LRP5: variants seen among roughly 807,000 people sequenced by gnomAD.
The protein encoded by LRP5 is LDL receptor related protein 5.
LRP5 carries 62 observed loss-of-function variants against 154.1 expected under a neutral mutation model. The ratio of observed to expected loss-of-function variants is 0.40; its 90% CI spans 0.33 to 0.50. The LOEUF (loss-of-function observed/expected upper bound fraction) is 0.50, where lower values mean the gene tolerates loss of function less well. LRP5 is among the 20% of genes least tolerant of loss of function. The pLI, the probability that LRP5 is intolerant of heterozygous loss-of-function variation, is 0.55. For synonymous variants in LRP5, 966 were observed against 1,011.5 expected (o/e 0.96, Z 0.85); for missense variants, 1,915 against 2,336.7 (o/e 0.82, Z 3.72).
rs74934633 is a variant in LRP5, at chr11:68,371,197, G to A, written c.1015+5495G>A. ...TGAGAAGAAACCTAAACTCTTCTTA[G>A]AAGCATTTCAAGGGTTTGTCACCAG... is the stretch of plus-strand genomic sequence containing the variant. On this transcript the variant is annotated intron_variant, in intron 5 of 22. Coordinates refer to ENST00000294304, the MANE Select transcript of LRP5 (RefSeq NM_002335.4). Among the ~76,000 whole-genome samples, 153 of 152,308 alleles carry A rather than the reference G, an allele frequency of 1.0e-3. No homozygotes were observed. In the Middle Eastern group the frequency reaches 0.01, roughly 10 times the overall value.
chr11:68,310,446 C>G (rs1441021179), upstream of LRP5, among the ~76,000 whole-genome samples: 3 of 152,124 alleles, frequency 2.0e-5, no homozygotes, highest in African/African-American at 7.2e-5. Flanking sequence ...ATGGTGAAAC[C>G]CTGTCTCTAC....
rs59174369 is a variant in LRP5 at position 68,349,970 on chromosome 11, C to A, written c.488+1727C>A. 9.9e-5 allele frequency among the ~76,000 whole-genome samples: 15 copies of A among 152,244 alleles called. No homozygotes were observed. In the East Asian group the frequency reaches 2.7e-3, roughly 27 times the overall value. On this transcript the variant is annotated intron_variant, in intron 2 of 22. Transcript: ENST00000294304. ...TGACTAGAACACAAGAGCCATTTCC[C>A]ACCACCCCCAGGCTCAGTTGGAAGC...
At chr11:68,441,037 G>T (rs767248965) in intron 21 of LRP5, among the ~76,000 whole-genome samples, 6 of 152,036 alleles carry the variant, frequency 3.9e-5, no homozygotes, top group Non-Finnish European at 8.8e-5. Flanking sequence ...CAAAGTGCTG[G>T]GATTACAGGC....
chr11:68,313,717 A>G (rs999855723), intron 1 of LRP5, among the ~76,000 whole-genome samples: 7 of 152,256 alleles, frequency 4.6e-5, no homozygotes, highest in Non-Finnish European at 8.8e-5. Flanking sequence ...TTTCTGGAGT[A>G]TGGCTGGCCA....
At chr11:68,444,975 G>A (rs553193203) in intron 21 of LRP5, among the ~76,000 whole-genome samples, 2 of 152,232 alleles carry the variant, frequency 1.3e-5, no homozygotes, top group South Asian at 4.2e-4. Context: ...GGCCCAGTGC[G>A]GCTTCCTAAA....
At position 68,406,759 on chromosome 11, in the gene LRP5, C is replaced by G. The variant is rs1157997708; in HGVS notation, c.2037C>G (p.Ala679=). ...TCACGGGCGTCAAGGAGGCCTCAGC[C>G]CTGGACTTTGATGTGTCCAACAACC... ...IPLTGVKEAS[A]LDFDVSNNHI... The change falls in exon 9 of 23, where the codon GCC becomes GCG. Residue 679 remains alanine (A), a synonymous_variant. Transcript: ENST00000294304. The G allele has an allele frequency of 1.2e-6, 2 of 1,613,992 alleles. No individual in the cohort carries two copies. Among genetic ancestry groups the G allele is most frequent in the Admixed American group, 1.7e-5 (1 of 60,002 alleles).
intron 1 of LRP5, among the ~76,000 whole-genome samples, chr11:68,321,578 G>A (rs1204431496): frequency 2.0e-5 from 3 of 152,110 alleles, no homozygotes; most frequent in Non-Finnish European, 4.4e-5. Context: ...GGGTTTTGCT[G>A]ACATTTGTGG....
chr11:68,314,740 T>C (rs909042956), intron 1 of LRP5, among the ~76,000 whole-genome samples: 2 of 152,216 alleles, frequency 1.3e-5, no homozygotes, highest in Admixed American at 1.3e-4. Flanking sequence ...CTCCTGTAGA[T>C]GCCCAAGGCC....
chr11:68,442,984 G>A (rs1418789689), intron 21 of LRP5, among the ~76,000 whole-genome samples: 6 of 152,132 alleles, frequency 3.9e-5, no homozygotes, highest in Admixed American at 3.3e-4. Context: ...GGGCATCATG[G>A]TCCTCTCTCC....
At chr11:68,355,037 C>T (rs1055612992) in intron 2 of LRP5, among the ~76,000 whole-genome samples, 1 of 152,204 alleles carries the variant, frequency 6.6e-6, no homozygotes, top group African/African-American at 2.4e-5. Context: ...TTGATCTTGT[C>T]ACAGCCCCTC....
chr11:68,335,364 G>A (rs777178863), intron 1 of LRP5, among the ~76,000 whole-genome samples: 6 of 145,760 alleles, frequency 4.1e-5, no homozygotes, highest in Admixed American at 2.7e-4. Flanking sequence ...ATGAGCCACC[G>A]CACTCAGCCC....
In LRP5 at chr11:68,415,770, T is replaced by C. The variant is rs1455165070; in HGVS notation, c.2828-558T>C. ...TCGAATGAATGAATGAATGAATGAA[T>C]GAATGGCAGGGCGTAGTGGCTCACA... On this transcript the variant is annotated intron_variant, in intron 12 of 22. Coordinates refer to ENST00000294304, the MANE Select transcript of LRP5 (RefSeq NM_002335.4). Among the ~76,000 whole-genome samples the C allele has an allele frequency of 2.5e-4, 18 of 71,440 alleles. 4 individuals carry two copies. The highest frequency in any genetic ancestry group is 6.1e-4 in the African/African-American group (18 of 29,682). 46.9% of individuals were successfully genotyped at this position (71,440 alleles called of 152,430 possible).
rs995419230 is a variant in LRP5 at position 68,423,385 on chromosome 11, G to A, written c.3028-104G>A. On this transcript the variant is annotated intron_variant, in intron 13 of 22. Coordinates refer to ENST00000294304, the MANE Select transcript of LRP5 (RefSeq NM_002335.4). The surrounding 1 kb of genome is among the most constrained non-coding windows in gnomAD (Gnocchi z 4.7). ...CCAGGGCTCTCCAGCCAGTGCCCGG[G>A]GGTCTCCACCAGTGCCCGGGGGTCT... 2.9e-6 allele frequency: 3 copies of A among 1,048,656 alleles called. No homozygotes were observed. The African/African-American group carries it at 4.7e-5, about 16-fold the overall frequency. The allele number at this position is 1,048,656 out of a possible 1,614,324, so 65.0% of individuals were successfully genotyped here.
In LRP5 at chr11:68,312,821, C is replaced by A; in HGVS notation, c.91+16C>A. The A allele has an allele frequency of 9.7e-7, 1 of 1,035,032 alleles. No homozygotes were observed. The highest frequency in any genetic ancestry group is 1.2e-6 in the Non-Finnish European group (1 of 864,048). 64.1% of individuals were successfully genotyped at this position (1,035,032 alleles called of 1,614,324 possible). A position where few individuals can be genotyped will look rare whatever the true frequency, so the allele number is the denominator to read the frequency against. ...CCCGCCGCGGGTAGGTGGGCGCAGG[C>A]CGGCCGGGGGCCGCGGGTTGCTCGG... On this transcript the variant is annotated intron_variant, in intron 1 of 22. Transcript: ENST00000294304.
intron 1 of LRP5, among the ~76,000 whole-genome samples, chr11:68,344,072 CAG>C (rs766926074): frequency 9.9e-5 from 15 of 152,014 alleles, no homozygotes; most frequent in Non-Finnish European, 1.8e-4. Context: ...GCAGCCCAGT[CAG>C]GGGTGGCGCC....
intron 3 of LRP5, among the ~76,000 whole-genome samples, chr11:68,359,343 T>A (rs1244116000): frequency 2.0e-5 from 3 of 152,212 alleles, no homozygotes; most frequent in African/African-American, 7.2e-5. Flanking sequence ...TTGGGCTGGT[T>A]TGAAAATATC....
Position 68,386,638 on chromosome 11 carries a change from C to T in LRP5, c.1338C>T (p.Asn446=), listed in dbSNP as rs777187538. 5.0e-5 allele frequency: 81 copies of T among 1,613,486 alleles called. No homozygotes were observed. Among genetic ancestry groups the T allele is most frequent in the Middle Eastern group, 3.3e-4 (2 of 6,084 alleles). ...GTDRIEVTRL[N]GTSRKILVSE... ...ACCGCATCGAGGTGACGCGCCTCAA[C>T]GGCACCTCCCGCAAGATCCTGGTGT... The change falls in exon 6 of 23, where the codon AAC becomes AAT. Residue 446 remains asparagine, a synonymous_variant. Transcript: ENST00000294304. The surrounding 1 kb of genome is among the most constrained non-coding windows in gnomAD (Gnocchi z 7.9).
intron 7 of LRP5, among the ~76,000 whole-genome samples, chr11:68,402,529 C>T (rs1411893663): frequency 6.6e-6 from 1 of 152,208 alleles, no homozygotes; most frequent in Non-Finnish European, 1.5e-5. Flanking sequence ...CACAGAGAAG[C>T]GGGAGAACTT....
Position 68,439,912 on chromosome 11 carries a change from C to A in LRP5, c.4484C>A (p.Pro1495Gln). The change falls in exon 21 of 23, where the codon CCG (proline) becomes CAG (glutamine). Residue 1495 changes from proline (P) to glutamine (Q), a missense_variant. This residue lies in a region of LRP5 where 1,094 missense variants were observed against 1,210.1 expected (regional missense o/e 0.90). Coordinates refer to ENST00000294304, the MANE Select transcript of LRP5 (RefSeq NM_002335.4). Reference protein sequence around the residue: ...SSSSTKATLYPPILNPPPSPA... With the variant: ...SSSSTKATLYQPILNPPPSPA... ...TCCAGCACGAAGGCCACGCTGTACC[C>A]GCCGGTGAGGGGCGGGGCCGGGGAG... The A allele has an allele frequency of 6.5e-7, 1 of 1,537,472 alleles. No individual in the cohort carries two copies. Among genetic ancestry groups the A allele is most frequent in the Non-Finnish European group, 8.8e-7 (1 of 1,140,186 alleles).
Sources: allele counts gnomAD v4.1 joint callset (sites outside exome capture counted in the v4.1 genomes callset), GRCh38; gene constraint gnomAD v4.1.1; regional missense constraint gnomAD v4.1.1; non-coding constraint Gnocchi (gnomAD v3.1); transcripts MANE v1.5; gene names NCBI Gene and HGNC (gene_info 2026-07-23, HGNC 2026-07-21).